The following ZNF385D variants were observed in gnomAD, a reference collection of about 807,000 sequenced individuals.
ZNF385D encodes zinc finger protein 659.
In ZNF385D, 15 loss-of-function variants were observed where a neutral mutation model predicts 35.8. The ratio of observed to expected loss-of-function variants is 0.42; its 90% CI spans 0.28 to 0.64. The LOEUF (loss-of-function observed/expected upper bound fraction) is 0.64, where lower values mean the gene tolerates loss of function less well. Ranked by LOEUF, ZNF385D falls within the 30% of genes least tolerant of loss-of-function variation. The probability of loss-of-function intolerance (pLI) is 0.23; values close to 1 mark genes in which losing one functional copy is unlikely to be tolerated. For missense variants in ZNF385D, 474 were observed against 494.6 expected (o/e 0.96, Z 0.39); for synonymous variants, 212 against 186.8 (o/e 1.13, Z -1.10).
At chr3:21,509,065 G>T (rs1304556556) in intron 4 of ZNF385D, among the ~76,000 whole-genome samples, 1 of 150,594 alleles carries the variant, frequency 6.6e-6, no homozygotes, top group East Asian at 2.0e-4. Flanking sequence ...GCAAGCTCCG[G>T]GGGGCTTTTC....
intron 3 of ZNF385D, among the ~76,000 whole-genome samples, chr3:21,966,491 T>C (rs959353647): frequency 6.6e-5 from 10 of 152,220 alleles, no homozygotes; most frequent in Admixed American, 6.5e-4. Context: ...GGCTTTATAA[T>C]CAGAAATTGT....
chr3:21,707,627 G>A lies in ZNF385D; in HGVS notation c.23-42599C>T, dbSNP rs536163385. ...AGATTACAGCAGTGTATGCTAATATGAGCAAAACCTGAAATGGGCTCTCCT... is the reference window on the plus strand; with the variant it reads ...AGATTACAGCAGTGTATGCTAATATAAGCAAAACCTGAAATGGGCTCTCCT... On this transcript the variant is annotated intron_variant, in intron 1 of 7. Transcript: ENST00000281523. Among the ~76,000 whole-genome samples the A allele has an allele frequency of 1.4e-4, 21 of 152,276 alleles. No individual in the cohort carries two copies. In the East Asian group the frequency reaches 3.9e-3, roughly 28 times the overall value.
intron 3 of ZNF385D, among the ~76,000 whole-genome samples, chr3:22,103,412 T>C (rs1702043798): frequency 6.6e-6 from 1 of 152,090 alleles, no homozygotes; most frequent in Non-Finnish European, 1.5e-5. Context: ...CTGCTCCACA[T>C]GCTACTCAAG....
intron 2 of ZNF385D, among the ~76,000 whole-genome samples, chr3:22,266,833 C>T (rs767344824): frequency 6.6e-5 from 10 of 151,896 alleles, no homozygotes; most frequent in East Asian, 3.9e-4. Flanking sequence ...GCACAGATAC[C>T]GAAGCAAAGT....
intron 2 of ZNF385D, among the ~76,000 whole-genome samples, chr3:22,188,165 G>T (rs995592438): frequency 6.6e-6 from 1 of 152,036 alleles, no homozygotes; most frequent in Non-Finnish European, 1.5e-5. Context: ...AGACGAAACC[G>T]AATTTTCAAA....
intron 4 of ZNF385D, among the ~76,000 whole-genome samples, chr3:21,471,249 TC>T (rs1703864805): frequency 1.0e-5 from 1 of 99,712 alleles, no homozygotes; most frequent in African/African-American, 3.7e-5. Context: ...CCTCCCTCCC[TC>T]CCTTTCTCTC....
intron 4 of ZNF385D, among the ~76,000 whole-genome samples, chr3:21,472,281 A>T (rs986824313): frequency 2.0e-5 from 3 of 152,092 alleles, no homozygotes; most frequent in African/African-American, 7.2e-5. Context: ...AGAAATCTCT[A>T]CTCTTGAAGA....
intron 4 of ZNF385D, among the ~76,000 whole-genome samples, chr3:21,462,965 A>G (rs1703272356): frequency 6.6e-6 from 1 of 152,178 alleles, no homozygotes; most frequent in Admixed American, 6.6e-5. Flanking sequence ...CTAGGCAACA[A>G]GAGTGAAAAC....
rs1199211669 is a variant in ZNF385D at position 21,631,961 on chromosome 3, T to C, written c.165+32925A>G. Among the ~76,000 whole-genome samples, 3 of 152,170 alleles carry C rather than the reference T, an allele frequency of 2.0e-5. 1 individual carries two copies. The highest frequency in any genetic ancestry group is 2.0e-4 in the Admixed American group (3 of 15,264). ...TTATTAATTTGGACTTCATCTAAAA[T>C]CCAAGCTTAAATAAGTGTATTGGTA... On this transcript the variant is annotated intron_variant, in intron 2 of 7. Transcript: ENST00000281523.
intron 2 of ZNF385D, among the ~76,000 whole-genome samples, chr3:22,358,711 C>CA (rs138509348): frequency 0.036 from 5,437 of 151,554 alleles, 150 homozygotes; most frequent in East Asian, 0.1. Flanking sequence ...ATCTGAGAAG[C>CA]AAAAATAAGA....
At chr3:22,188,813 C>G (rs1034272422) in intron 2 of ZNF385D, among the ~76,000 whole-genome samples, 4 of 152,252 alleles carry the variant, frequency 2.6e-5, no homozygotes, top group Non-Finnish European at 5.9e-5. Context: ...GTATTAGGAA[C>G]TTTTTGCTTT....
At chr3:22,060,353 T>G (rs1335253476) in intron 3 of ZNF385D, among the ~76,000 whole-genome samples, 1 of 152,208 alleles carries the variant, frequency 6.6e-6, no homozygotes, top group Non-Finnish European at 1.5e-5. Flanking sequence ...AAGTATTTGT[T>G]GAAAAATTAA....
intron 3 of ZNF385D, among the ~76,000 whole-genome samples, chr3:22,000,473 C>T (rs1216442462): frequency 2.0e-5 from 3 of 152,012 alleles, no homozygotes; most frequent in Non-Finnish European, 4.4e-5. Flanking sequence ...AATAATCCGC[C>T]CCTTGTTTAG....
chr3:22,247,084 A>G (rs924857671), intron 2 of ZNF385D, among the ~76,000 whole-genome samples: 2 of 152,060 alleles, frequency 1.3e-5, no homozygotes, highest in Non-Finnish European at 2.9e-5. Context: ...TGTTCATTCT[A>G]TTCTGTTAGA....
At chr3:21,720,353 A>T (rs2125446099) in intron 1 of ZNF385D, among the ~76,000 whole-genome samples, 1 of 152,312 alleles carries the variant, frequency 6.6e-6, no homozygotes, top group Non-Finnish European at 1.5e-5. Context: ...CAGAAGTTCT[A>T]AACCAGCCTG....
At chr3:21,936,142 A>G (rs1559770149) in intron 3 of ZNF385D, among the ~76,000 whole-genome samples, 1 of 152,204 alleles carries the variant, frequency 6.6e-6, no homozygotes, top group East Asian at 1.9e-4. Context: ...AAGAAGATAG[A>G]TCTAAGGTGA....
rs200928445 is a variant in ZNF385D, at chr3:22,169,534, GT to G, written c.107-500del. Reference sequence around the variant, plus strand: ...TTATATTCCTTACTAGTTAAGTAAAGTGACTTACATCTGGATGGACACATTC... The same window carrying G: ...TTATATTCCTTACTAGTTAAGTAAAGGACTTACATCTGGATGGACACATTC... On this transcript the variant is annotated intron_variant, in intron 2 of 5. Coordinates refer to the ZNF385D transcript ENST00000494108. Among the ~76,000 whole-genome samples, 1,002 of 152,190 alleles carry G rather than the reference GT, an allele frequency of 6.6e-3. 10 individuals carry two copies. Among genetic ancestry groups the G allele is most frequent in the African/African-American group, 0.023 (941 of 41,530 alleles).
intron 3 of ZNF385D, among the ~76,000 whole-genome samples, chr3:21,842,084 T>G (rs1695719020): frequency 6.6e-6 from 1 of 151,918 alleles, no homozygotes; most frequent in Non-Finnish European, 1.5e-5. Flanking sequence ...TTTGTTAAAT[T>G]TAAAACTATA....
chr3:22,087,355 T>TA (rs1701100062), intron 3 of ZNF385D, among the ~76,000 whole-genome samples: 1 of 152,042 alleles, frequency 6.6e-6, no homozygotes, highest in South Asian at 2.1e-4. Flanking sequence ...CTCAGAGAAA[T>TA]AAAAAGATGA....
Sources: allele counts gnomAD v4.1 joint callset (sites outside exome capture counted in the v4.1 genomes callset), GRCh38; gene constraint gnomAD v4.1.1; transcripts MANE v1.5; gene names NCBI Gene and HGNC (gene_info 2026-07-23, HGNC 2026-07-21).